Variants in GNG12 observed in about 807,000 individuals in gnomAD.
GNG12 encodes G protein subunit gamma 12.
For synonymous variants in GNG12, 28 were observed against 29.7 expected, an observed-to-expected ratio of 0.94 and a Z score of 0.19; for missense variants, 69 against 83.8, an observed-to-expected ratio of 0.82 and a Z score of 0.69.
At chr1:67,756,608 G>T (rs531928818) in intron 2 of GNG12, among the ~76,000 whole-genome samples, 1 of 152,312 alleles carries the variant, frequency 6.6e-6, no homozygotes, top group South Asian at 2.1e-4. Flanking sequence ...AACCTGGTGT[G>T]AGCATGAGTG....
In GNG12 at chr1:67,705,413, G is replaced by A. The variant is rs753541054; in HGVS notation, c.*38C>T. The A allele has an allele frequency of 2.6e-5, 41 of 1,606,148 alleles. No homozygotes were observed. The highest frequency in any genetic ancestry group is 4.5e-5 in the South Asian group (4 of 89,574). On this transcript the variant is annotated 3_prime_UTR_variant, in exon 4 of 4. Transcript: ENST00000370982. ...CTTCAAGGAGCTGCTCATAATTTGC[G>A]TTGTTGGGAAGAGGCGAGGAGCTGT...
At chr1:67,754,321 C>T (rs1316386852) in intron 2 of GNG12, among the ~76,000 whole-genome samples, 1 of 152,260 alleles carries the variant, frequency 6.6e-6, no homozygotes, top group African/African-American at 2.4e-5. Flanking sequence ...CACAAACCTC[C>T]GCCTATTGTT....
chr1:67,788,542 C>T (rs866201271), intron 1 of GNG12, among the ~76,000 whole-genome samples: 18 of 151,830 alleles, frequency 1.2e-4, no homozygotes, highest in Non-Finnish European at 1.6e-4. Context: ...TGTCTTGCTA[C>T]GTTTTCCAGG....
chr1:67,728,810 C>A (rs1429857381), intron 2 of GNG12, among the ~76,000 whole-genome samples: 1 of 151,982 alleles, frequency 6.6e-6, no homozygotes, highest in Non-Finnish European at 1.5e-5. Context: ...AGAAAATAGG[C>A]CCCCCCACAC....
chr1:67,812,572 CTT>C (rs927537858), intron 1 of GNG12, among the ~76,000 whole-genome samples: 3 of 152,090 alleles, frequency 2.0e-5, no homozygotes, highest in African/African-American at 7.2e-5. Flanking sequence ...GGAGATAAGA[CTT>C]AGAGTGATTC....
intron 1 of GNG12, among the ~76,000 whole-genome samples, chr1:67,812,515 T>C (rs149688999): frequency 3.9e-5 from 6 of 152,280 alleles, no homozygotes; most frequent in African/African-American, 1.4e-4. Context: ...TCCACTCATG[T>C]CAATTTTACA....
chr1:67,830,847 T>C (rs1201780407), intron 1 of GNG12, among the ~76,000 whole-genome samples: 2 of 152,192 alleles, frequency 1.3e-5, no homozygotes, highest in Non-Finnish European at 2.9e-5. Flanking sequence ...AGGTTCAAGC[T>C]GCCACCCTGC....
At chr1:67,774,670 C>G (rs1275988543) in intron 2 of GNG12, among the ~76,000 whole-genome samples, 1 of 152,222 alleles carries the variant, frequency 6.6e-6, no homozygotes, top group Non-Finnish European at 1.5e-5. Flanking sequence ...CACACCTACT[C>G]TCTCTTTAGT....
At chr1:67,708,333 T>A (rs1202083678) in intron 2 of GNG12, among the ~76,000 whole-genome samples, 2 of 152,200 alleles carry the variant, frequency 1.3e-5, no homozygotes, top group Non-Finnish European at 2.9e-5. Flanking sequence ...GTGGAGACTC[T>A]CCGTGATAGA....
At chr1:67,751,972 T>C (rs1646541288) in intron 2 of GNG12, among the ~76,000 whole-genome samples, 1 of 152,160 alleles carries the variant, frequency 6.6e-6, no homozygotes, top group Admixed American at 6.5e-5. Context: ...ATGACAAATA[T>C]CAGTATGGTC....
chr1:67,784,601 C>T (rs1490437662), intron 1 of GNG12, among the ~76,000 whole-genome samples: 1 of 151,882 alleles, frequency 6.6e-6, no homozygotes, highest in Non-Finnish European at 1.5e-5. Context: ...TGTGTCACCT[C>T]GAAAAACAAT....
intron 1 of GNG12, among the ~76,000 whole-genome samples, chr1:67,789,112 TGA>T (rs1354218859): frequency 6.6e-6 from 1 of 152,160 alleles, no homozygotes; most frequent in Non-Finnish European, 1.5e-5. Flanking sequence ...AGGGTGGTAA[TGA>T]ATAAAATAGG....
intron 2 of GNG12, among the ~76,000 whole-genome samples, chr1:67,759,679 T>G (rs1007912252): frequency 3.9e-5 from 6 of 152,214 alleles, no homozygotes; most frequent in African/African-American, 1.4e-4. Flanking sequence ...TCATTGTTAT[T>G]CCTAGAAGCT....
At chr1:67,765,747 C>T (rs59823803) in intron 2 of GNG12, among the ~76,000 whole-genome samples, 3,299 of 152,166 alleles carry the variant, frequency 0.022, 110 homozygotes, top group African/African-American at 0.075. Context: ...TGAAACGATG[C>T]GAATAAACTA....
At chr1:67,790,610 CTTTT>C (rs34333997) in intron 1 of GNG12, among the ~76,000 whole-genome samples, 9 of 125,374 alleles carry the variant, frequency 7.2e-5, no homozygotes, top group Admixed American at 1.7e-4. Context: ...TAGTTTATTC[CTTTT>C]TTTTTTTTTT....
intron 1 of GNG12, among the ~76,000 whole-genome samples, chr1:67,782,978 T>A (rs1299937599): frequency 6.6e-6 from 1 of 152,160 alleles, no homozygotes; most frequent in East Asian, 1.9e-4. Context: ...GAATGTCGGA[T>A]CCTCAACTAA....
intron 2 of GNG12, among the ~76,000 whole-genome samples, chr1:67,744,894 G>A (rs1052300569): frequency 6.6e-6 from 1 of 152,174 alleles, no homozygotes; most frequent in Non-Finnish European, 1.5e-5. Flanking sequence ...ACAACCAAGA[G>A]TAGTGGCTAA....
rs3766252 is a variant in GNG12, at chr1:67,710,531, G to A, written c.-26-2819C>T. ...ACTGGACCAGTAATTGCTCCCACCCGGCATGGCCATTGGCAAGCAGTCTAC... is the reference window on the plus strand; with the variant it reads ...ACTGGACCAGTAATTGCTCCCACCCAGCATGGCCATTGGCAAGCAGTCTAC... On this transcript the variant is annotated intron_variant, in intron 2 of 3. Coordinates refer to ENST00000370982, the MANE Select transcript of GNG12 (RefSeq NM_018841.6). 2.2e-3 allele frequency among the ~76,000 whole-genome samples: 338 copies of A among 151,956 alleles called. 7 individuals carry two copies. In the East Asian group the frequency reaches 0.051, roughly 23 times the overall value.
intron 2 of GNG12, among the ~76,000 whole-genome samples, chr1:67,712,080 C>T (rs1366654816): frequency 6.6e-6 from 1 of 152,184 alleles, no homozygotes; most frequent in African/African-American, 2.4e-5. Flanking sequence ...TCTGCAGCTC[C>T]TCAACAGCTG....
Sources: allele counts gnomAD v4.1 joint callset (sites outside exome capture counted in the v4.1 genomes callset), GRCh38; gene constraint gnomAD v4.1.1; transcripts MANE v1.5; gene names NCBI Gene and HGNC (gene_info 2026-07-23, HGNC 2026-07-21).